TARS1: variants seen among roughly 807,000 people sequenced by gnomAD.
TARS1 encodes threonine--tRNA ligase 1, cytoplasmic.
A neutral mutation model predicts 97.7 loss-of-function variants in TARS1; 57 were observed. The observed-to-expected ratio is 0.58, with a 90% CI of 0.47 to 0.73. The LOEUF (loss-of-function observed/expected upper bound fraction) is 0.73. TARS1 is among the 30% of genes least tolerant of loss of function. TARS1 has a pLI of 0.00. For synonymous variants in TARS1, 312 were observed against 293.7 expected, an observed-to-expected ratio of 1.06 and a Z score of -0.64; for missense variants, 806 against 888.3, an observed-to-expected ratio of 0.91 and a Z score of 1.18.
chr5:33,460,076 A>C (rs1037778880), intron 11 of TARS1: 9 of 439,020 alleles, frequency 2.1e-5, no homozygotes, highest in Non-Finnish European at 2.8e-5. Flanking sequence ...GAGTGCAGGT[A>C]TGCGATTATA....
In TARS1 at chr5:33,457,340, G is replaced by T; in HGVS notation, c.921G>T (p.Met307Ile). 1 of 1,614,162 alleles carries T rather than the reference G, an allele frequency of 6.2e-7. No homozygotes were observed. Among genetic ancestry groups the T allele is most frequent in the Non-Finnish European group, 8.5e-7 (1 of 1,180,004 alleles). ...IYGISFPDPK[M>I]LKEWEKFQEE... ...GCATTTCATTCCCAGATCCTAAAAT[G>T]TTGAAAGAGTGGGAGAAGTTCCAAG... Residue 307 changes from methionine (M) to isoleucine (I), a missense_variant, in exon 9 of 19, where the codon ATG (methionine) becomes ATT (isoleucine). Coordinates refer to ENST00000265112, the MANE Select transcript of TARS1 (RefSeq NM_152295.5).
At chr5:33,462,906 T>C (rs547610628) in intron 16 of TARS1, among the ~76,000 whole-genome samples, 2 of 152,352 alleles carry the variant, frequency 1.3e-5, no homozygotes, top group East Asian at 1.9e-4. Context: ...TCAGTTTTAT[T>C]TGAACTTGGT....
chr5:33,453,746 G>A (rs1741873118), intron 4 of TARS1, among the ~76,000 whole-genome samples: 1 of 150,532 alleles, frequency 6.6e-6, no homozygotes, highest in South Asian at 2.1e-4. Context: ...TAATGATGGA[G>A]TCTTGCTTTG....
In TARS1 at chr5:33,461,938, G is replaced by T; in HGVS notation, c.1662G>T (p.Arg554=). The T allele has an allele frequency of 6.2e-7, 1 of 1,614,030 alleles. No individual in the cohort carries two copies. The highest frequency in any genetic ancestry group is 8.5e-7 in the Non-Finnish European group (1 of 1,179,936). The change falls in exon 15 of 19, where the codon CGG becomes CGT. Residue 554 remains arginine (R), a synonymous_variant. Coordinates refer to ENST00000265112, the MANE Select transcript of TARS1 (RefSeq NM_152295.5). ...IDIQIKDAIG[R]YHQCATIQLD... is the part of the protein sequence containing the mutation. ...TACAGATTAAAGATGCGATTGGGCG[G>T]TACCACCAGTGTGCAACCATCCAGC... is the stretch of plus-strand genomic sequence containing the variant.
At chr5:33,451,321 A>G (rs1432845305) in intron 3 of TARS1, among the ~76,000 whole-genome samples, 1 of 152,222 alleles carries the variant, frequency 6.6e-6, no homozygotes, top group African/African-American at 2.4e-5. Flanking sequence ...AGGACAAAAA[A>G]GACATGTTCC....
rs753206423 is a variant in TARS1 at position 33,445,371 on chromosome 5, CAAA to C, written c.106_108del (p.Lys36del). The stretch of plus-strand genomic sequence containing the variant: ...AAAAGGAAGGAGGCAAAAAGAAGAA[CAAA>C]GAAGGATCTGGAGATGGAGGTCGAG... On this transcript the variant is annotated inframe_deletion, in exon 2 of 19. Transcript: ENST00000265112. 2.5e-5 allele frequency: 40 copies of C among 1,613,274 alleles called. No homozygotes were observed. Among genetic ancestry groups the C allele is most frequent in the Non-Finnish European group, 3.0e-5 (35 of 1,179,492 alleles).
In TARS1 at chr5:33,453,411, C is replaced by T; in HGVS notation, c.452C>T (p.Ala151Val). The stretch of plus-strand genomic sequence containing the variant: ...AAGTTTGAGGATGAGGAAGCTCAGG[C>T]AGTAAGTTGCTGATTAGTATTCATT... ...LLKFEDEEAQAVYWHSSAHIM... is the reference protein window; with the variant it reads ...LLKFEDEEAQVVYWHSSAHIM... The change falls in exon 4 of 19, where the codon GCA becomes GTA. Residue 151 changes from alanine (A) to valine (V), a missense_variant and splice_region_variant. This residue lies in a region of TARS1 where 356 missense variants were observed against 357.8 expected (regional missense o/e 0.99). Transcript: ENST00000265112. 1.2e-6 allele frequency: 2 copies of T among 1,612,990 alleles called. No homozygotes were observed. Among genetic ancestry groups the T allele is most frequent in the Non-Finnish European group, 1.7e-6 (2 of 1,179,726 alleles).
At chr5:33,455,178 C>A in intron 5 of TARS1, 112 bp downstream of exon 5, 2 of 1,327,096 alleles carry the variant, frequency 1.5e-6, no homozygotes, top group South Asian at 1.4e-5. Flanking sequence ...GCTTCTTCAT[C>A]AGGTATGCCC....
At chr5:33,448,759 CAT>C in intron 3 of TARS1, 28 bp downstream of exon 3, 4 of 1,516,908 alleles carry the variant, frequency 2.6e-6, no homozygotes, top group Non-Finnish European at 3.5e-6. Flanking sequence ...CATGACCTTC[CAT>C]AGTTTGTGGT....
upstream of TARS1, chr5:33,440,922 G>A (rs566848101): frequency 4.1e-5 from 29 of 713,706 alleles, no homozygotes; most frequent in Middle Eastern, 4.1e-4. Flanking sequence ...TCCATTGGCT[G>A]CTCGTTCCGC....
intron 10 of TARS1, among the ~76,000 whole-genome samples, chr5:33,459,149 A>C (rs1464566141): frequency 1.3e-5 from 2 of 152,070 alleles, no homozygotes; most frequent in Non-Finnish European, 2.9e-5. Context: ...CCCAGTTTTG[A>C]TCCATATACC....
Position 33,460,981 on chromosome 5 carries a change from G to A in TARS1, c.1330G>A (p.Glu444Lys), listed in dbSNP as rs774427067. The change falls in exon 12 of 19, where the codon GAG (glutamate) becomes AAG (lysine). Residue 444 changes from glutamate (E) to lysine (K), a missense_variant. Glu to Lys is a moderately conservative substitution (Grantham distance 56). This residue lies in a region of TARS1 where 446 missense variants were observed against 511.0 expected (regional missense o/e 0.87). Coordinates refer to ENST00000265112, the MANE Select transcript of TARS1 (RefSeq NM_152295.5). Reference protein sequence around the residue: ...LADFGVLHRNELSGALTGLTR... With the variant: ...LADFGVLHRNKLSGALTGLTR... Reference sequence around the variant, plus strand: ...TGATTTTGGGGTACTTCATAGGAACGAGCTGTCTGGAGCACTCACAGGACT... The same window carrying A: ...TGATTTTGGGGTACTTCATAGGAACAAGCTGTCTGGAGCACTCACAGGACT... The A allele has an allele frequency of 3.7e-6, 6 of 1,614,076 alleles. No homozygotes were observed. Among genetic ancestry groups the A allele is most frequent in the East Asian group, 2.2e-5 (1 of 44,878 alleles).
chr5:33,459,594 C>A, intron 10 of TARS1, 101 bp from the exon 11 acceptor site: 1 of 1,373,808 alleles, frequency 7.3e-7, no homozygotes, highest in East Asian at 2.4e-5. Context: ...ATGTGTCCAT[C>A]TTTTTCATGA....
At chr5:33,460,214 C>A (rs1742227770) in intron 11 of TARS1, among the ~76,000 whole-genome samples, 2 of 152,084 alleles carry the variant, frequency 1.3e-5, no homozygotes, top group Admixed American at 1.3e-4. Flanking sequence ...TCAAGCGGTC[C>A]TTCAACCTTG....
intron 1 of TARS1, 77 bp from the exon 2 acceptor site, chr5:33,445,247 T>G: frequency 9.2e-7 from 1 of 1,091,704 alleles, no homozygotes; most frequent in Non-Finnish European, 1.3e-6. Context: ...AAAATAACAT[T>G]CTCAACACTT....
At chr5:33,465,724 A>G (rs1742500486) in intron 17 of TARS1, among the ~76,000 whole-genome samples, 3 of 152,360 alleles carry the variant, frequency 2.0e-5, no homozygotes, top group African/African-American at 4.8e-5. Context: ...GATTGTTTCA[A>G]AAAGTATGCC....
intron 5 of TARS1, 128 bp downstream of exon 5, chr5:33,455,194 C>G (rs1741954247): frequency 1.6e-6 from 2 of 1,230,150 alleles, no homozygotes; most frequent in Non-Finnish European, 2.2e-6. Flanking sequence ...TGCCCATTAT[C>G]AGTACTTGAA....
chr5:33,463,792 A>G lies in TARS1; in HGVS notation c.1875A>G (p.Pro625=). 1 of 1,612,646 alleles carries G rather than the reference A, an allele frequency of 6.2e-7. No individual in the cohort carries two copies. Among genetic ancestry groups the G allele is most frequent in the Non-Finnish European group, 8.5e-7 (1 of 1,179,320 alleles). The change falls in exon 17 of 19, where the codon CCA becomes CCG. Residue 625 remains proline, a synonymous_variant. Coordinates refer to ENST00000265112, the MANE Select transcript of TARS1 (RefSeq NM_152295.5). ...WLSPRQVMVV[P]VGPTCDEYAQ... ...CCCCTCGCCAGGTAATGGTAGTTCC[A>G]GTGGGACCAACCTGTGATGAATATG...
chr5:33,455,539 T>C, intron 5 of TARS1, 48 bp from the exon 6 acceptor site: 1 of 1,245,304 alleles, frequency 8.0e-7, no homozygotes, highest in Non-Finnish European at 1.1e-6. Context: ...TTCGAAGCCA[T>C]GGTGTGATTC....
Sources: allele counts gnomAD v4.1 joint callset (sites outside exome capture counted in the v4.1 genomes callset), GRCh38; gene constraint gnomAD v4.1.1; regional missense constraint gnomAD v4.1.1; transcripts MANE v1.5; gene names NCBI Gene and HGNC (gene_info 2026-07-23, HGNC 2026-07-21).